Variants in C3orf20 observed in about 807,000 individuals in gnomAD.
The protein encoded by C3orf20 is family with sequence similarity 149 member C, also known as uncharacterized protein C3orf20.
Under a neutral mutation model 88.3 loss-of-function variants are expected in C3orf20, and 76 were observed. The observed-to-expected ratio is 0.86, with a 90% CI of 0.72 to 1.04. The LOEUF (loss-of-function observed/expected upper bound fraction) is 1.04, where lower values mean the gene tolerates loss of function less well. Ranked by LOEUF, C3orf20 falls within the 50% of genes least tolerant of loss-of-function variation. The pLI, the probability that C3orf20 is intolerant of heterozygous loss-of-function variation, is 0.00. For synonymous variants in C3orf20, 436 were observed against 437.4 expected, an observed-to-expected ratio of 1.00 and a Z score of 0.04; for missense variants, 1,056 against 1,123.3, an observed-to-expected ratio of 0.94 and a Z score of 0.86.
chr3:14,757,734 C>A, intron 13 of C3orf20, 60 bp downstream of exon 13: 2 of 1,489,660 alleles, frequency 1.3e-6, no homozygotes, highest in East Asian at 2.4e-5. Context: ...TGGGGCAGTC[C>A]GAGAAAACCC....
chr3:14,764,504 A>ATTGTTGTTG (rs1180584711), intron 15 of C3orf20, among the ~76,000 whole-genome samples: 61 of 149,018 alleles, frequency 4.1e-4, no homozygotes, highest in African/African-American at 1.6e-3. Flanking sequence ...TATTATTATT[A>ATTGTTGTTG]TTATTGTTGT....
intron 5 of C3orf20, among the ~76,000 whole-genome samples, chr3:14,690,402 C>T (rs2124906327): frequency 6.6e-6 from 1 of 152,314 alleles, no homozygotes; most frequent in East Asian, 1.9e-4. Context: ...GACAACATCC[C>T]ACCAAACCCA....
At chr3:14,727,638 GTCTC>G (rs1391301215) in intron 11 of C3orf20, among the ~76,000 whole-genome samples, 1 of 152,140 alleles carries the variant, frequency 6.6e-6, no homozygotes, top group African/African-American at 2.4e-5. Flanking sequence ...TTCCCCCACT[GTCTC>G]TCTGGGGAGT....
chr3:14,682,620 C>G lies in C3orf20; in HGVS notation c.-94C>G. On this transcript the variant is annotated 5_prime_UTR_variant, in exon 3 of 17. The change creates a new upstream start codon in the 5' untranslated region. Transcript: ENST00000253697. Reference sequence around the variant, plus strand: ...ACCTGTAAGGGCCGTTTCAGCACATCCATTCTGTCCATCTCCAAGCCTTCA... The same window carrying G: ...ACCTGTAAGGGCCGTTTCAGCACATGCATTCTGTCCATCTCCAAGCCTTCA... The G allele has an allele frequency of 6.8e-7, 1 of 1,477,048 alleles. No individual in the cohort carries two copies. 91.5% of individuals were successfully genotyped at this position (1,477,048 alleles called of 1,614,324 possible).
At chr3:14,760,051 C>T (rs564428019) in intron 14 of C3orf20, 53 bp downstream of exon 14, 1 of 1,300,462 alleles carries the variant, frequency 7.7e-7, no homozygotes, top group Non-Finnish European at 1.1e-6. Flanking sequence ...CCGCAGCCAC[C>T]TCTGCCCCTG....
chr3:14,741,132 G>C (rs1343460869), intron 12 of C3orf20, among the ~76,000 whole-genome samples: 1 of 152,180 alleles, frequency 6.6e-6, no homozygotes, highest in Non-Finnish European at 1.5e-5. Flanking sequence ...CGAGTAGGCT[G>C]GGGGCAGATG....
chr3:14,712,178 GCGCGCACA>G lies in C3orf20; in HGVS notation c.1161-1827_1161-1820del, dbSNP rs751607723. Among the ~76,000 whole-genome samples, 819 of 108,816 alleles carry G rather than the reference GCGCGCACA, an allele frequency of 7.5e-3. 10 individuals carry two copies. The highest frequency in any genetic ancestry group is 0.013 in the Middle Eastern group (3 of 224). 71.4% of individuals were successfully genotyped at this position (108,816 alleles called of 152,430 possible). A position where few individuals can be genotyped will look rare whatever the true frequency, so the allele number is the denominator to read the frequency against. ...GACACACACACGCACACACACGCGCGCGCGCACACACACACACACACACACACACACAC... is the reference window on the plus strand; with the variant it reads ...GACACACACACGCACACACACGCGCGCACACACACACACACACACACACAC... On this transcript the variant is annotated intron_variant, in intron 7 of 16. Coordinates refer to ENST00000253697, the MANE Select transcript of C3orf20 (RefSeq NM_032137.5).
At chr3:14,748,352 C>G (rs920564150) in intron 12 of C3orf20, among the ~76,000 whole-genome samples, 3 of 151,978 alleles carry the variant, frequency 2.0e-5, no homozygotes, top group African/African-American at 7.2e-5. Context: ...TGCAACTTTT[C>G]TCTTTTAGTC....
chr3:14,704,727 G>A (rs2033428387), intron 7 of C3orf20, 109 bp downstream of exon 7: 1 of 1,330,506 alleles, frequency 7.5e-7, no homozygotes, highest in South Asian at 1.4e-5. Flanking sequence ...TATCAGAGAA[G>A]CCTGGTGATG....
chr3:14,703,924 C>T (rs1013622060), intron 6 of C3orf20, among the ~76,000 whole-genome samples: 1 of 152,154 alleles, frequency 6.6e-6, no homozygotes, highest in African/African-American at 2.4e-5. Flanking sequence ...TGGTCATATA[C>T]GTCTCCGGGG....
chr3:14,677,120 A>G (rs1167783582), intron 1 of C3orf20, among the ~76,000 whole-genome samples: 1 of 152,198 alleles, frequency 6.6e-6, no homozygotes, highest in Admixed American at 6.5e-5. Context: ...TGCCCTTATC[A>G]GAAGTATTTC....
chr3:14,733,794 T>C (rs774075789), intron 12 of C3orf20, among the ~76,000 whole-genome samples: 41 of 152,242 alleles, frequency 2.7e-4, no homozygotes, highest in Non-Finnish European at 5.6e-4. Flanking sequence ...GTTCAAGCGA[T>C]TCTCCTGCCT....
chr3:14,745,968 C>T (rs939315932), intron 12 of C3orf20, among the ~76,000 whole-genome samples: 2 of 152,186 alleles, frequency 1.3e-5, no homozygotes, highest in Non-Finnish European at 2.9e-5. Context: ...CAAAAGGAAA[C>T]TTTGTACCCA....
intron 5 of C3orf20, among the ~76,000 whole-genome samples, chr3:14,692,333 A>G (rs529423014): frequency 2.6e-5 from 4 of 152,304 alleles, no homozygotes; most frequent in Non-Finnish European, 5.9e-5. Flanking sequence ...ACTGTTCTCC[A>G]TAGTGGTTGT....
In C3orf20 at chr3:14,683,085, C is replaced by A; in HGVS notation, c.372C>A (p.Ala124=). 1.2e-6 allele frequency: 2 copies of A among 1,613,066 alleles called. No homozygotes were observed. The highest frequency in any genetic ancestry group is 1.7e-6 in the Non-Finnish European group (2 of 1,179,512). The change falls in exon 3 of 17, where the codon GCC becomes GCA. Residue 124 remains alanine (A), a synonymous_variant. Coordinates refer to ENST00000253697, the MANE Select transcript of C3orf20 (RefSeq NM_032137.5). ...GCTCCACCCTCTCTCCCACCATGGC[C>A]CGTCAGGTGCGCACCCACCAGGAGA... ...AKRSTLSPTM[A]RQVRTHQETL...
intron 12 of C3orf20, among the ~76,000 whole-genome samples, chr3:14,736,837 G>T (rs899958868): frequency 2.6e-5 from 4 of 152,210 alleles, no homozygotes; most frequent in African/African-American, 9.6e-5. Flanking sequence ...AAAGTGCTGA[G>T]ATTACAGGTG....
At chr3:14,731,937 T>C (rs1049236339) in intron 12 of C3orf20, among the ~76,000 whole-genome samples, 1 of 152,266 alleles carries the variant, frequency 6.6e-6, no homozygotes, top group Admixed American at 6.5e-5. Flanking sequence ...TTTCTGATTA[T>C]GATAAAACTG....
intron 11 of C3orf20, among the ~76,000 whole-genome samples, chr3:14,727,916 C>T (rs985252367): frequency 2.0e-5 from 3 of 152,308 alleles, no homozygotes; most frequent in African/African-American, 7.2e-5. Flanking sequence ...TGGGGTGCCT[C>T]TGCATGCTCA....
At chr3:14,764,428 C>T (rs1486528832) in intron 15 of C3orf20, among the ~76,000 whole-genome samples, 2 of 152,018 alleles carry the variant, frequency 1.3e-5, no homozygotes, top group Non-Finnish European at 2.9e-5. Flanking sequence ...TCCTATAATC[C>T]GTATCTGTGA....
Sources: gnomAD v4.1 joint callset for allele counts (sites outside exome capture counted in the v4.1 genomes callset) on GRCh38, gnomAD v4.1.1 for gene constraint, MANE v1.5 for transcripts, NCBI Gene and HGNC (gene_info 2026-07-23, HGNC 2026-07-21) for gene names.